Variants in FRMPD4 observed in about 807,000 individuals in gnomAD.
FRMPD4 encodes the protein FERM and PDZ domain containing 4, also known as FERM and PDZ domain-containing protein 4.
In FRMPD4, 22 loss-of-function variants were observed where a neutral mutation model predicts 94.1. That is an observed-to-expected ratio of 0.23 (90% CI 0.17 to 0.33). The LOEUF (loss-of-function observed/expected upper bound fraction) is 0.33. Among genes scored for constraint, FRMPD4 ranks in the 10% least tolerant of loss-of-function variants. The pLI, the probability that FRMPD4 is intolerant of heterozygous loss-of-function variation, is 1.00. For synonymous variants in FRMPD4, 631 were observed against 548.6 expected (o/e 1.15, Z -2.10); for missense variants, 1,111 against 1,339.9 (o/e 0.83, Z 2.67).
At chrX:12,579,477 G>A (rs990186486) in intron 2 of FRMPD4, among the ~76,000 whole-genome samples, 1 of 111,780 alleles carries the variant, frequency 8.9e-6, no homozygotes, top group South Asian at 3.7e-4. Flanking sequence ...CGGGACAATC[G>A]GTTTCTGACC....
intron 3 of FRMPD4, among the ~76,000 whole-genome samples, chrX:11,966,625 A>G (rs1370759359): frequency 9.0e-6 from 1 of 111,470 alleles, no homozygotes; most frequent in Non-Finnish European, 1.9e-5. Flanking sequence ...ATTGATCCCA[A>G]AATGTGGTTT....
At chrX:12,517,174 C>T (rs748143410) in intron 2 of FRMPD4, among the ~76,000 whole-genome samples, 2 of 110,946 alleles carry the variant, frequency 1.8e-5, no homozygotes, top group Admixed American at 1.9e-4. Flanking sequence ...CAGCAAAGTT[C>T]GTTATTACCC....
At chrX:11,843,633 C>T (rs747195142) in intron 1 of FRMPD4, among the ~76,000 whole-genome samples, 1 of 110,810 alleles carries the variant, frequency 9.0e-6, no homozygotes, top group African/African-American at 3.3e-5. Context: ...GTATAGTTCG[C>T]TGTAACCTTG....
chrX:12,215,392 C>A (rs2056796633), intron 1 of FRMPD4, among the ~76,000 whole-genome samples: 1 of 111,104 alleles, frequency 9.0e-6, no homozygotes, highest in Non-Finnish European at 1.9e-5. Flanking sequence ...CCAACTTCTT[C>A]TTCTTAACCT....
intron 2 of FRMPD4, among the ~76,000 whole-genome samples, chrX:12,499,189 C>T (rs950928980): frequency 1.8e-5 from 2 of 111,245 alleles, no homozygotes; most frequent in Non-Finnish European, 3.8e-5. Flanking sequence ...TAGGAGTGGT[C>T]AAGACAGGAA....
intron 1 of FRMPD4, among the ~76,000 whole-genome samples, chrX:12,286,655 A>G (rs2054604469): frequency 1.8e-5 from 2 of 112,058 alleles, no homozygotes; most frequent in Admixed American, 1.9e-4. Flanking sequence ...AAAATTGGTC[A>G]TAGACTGAGT....
At chrX:12,177,242 G>A (rs1601663592) in intron 1 of FRMPD4, among the ~76,000 whole-genome samples, 1 of 112,342 alleles carries the variant, frequency 8.9e-6, no homozygotes, top group Non-Finnish European at 1.9e-5. Context: ...AAGAATGGAT[G>A]ATCACTGAAG....
intron 3 of FRMPD4, among the ~76,000 whole-genome samples, chrX:11,930,567 C>G (rs1443503121): frequency 4.5e-5 from 5 of 111,685 alleles, no homozygotes; most frequent in Middle Eastern, 4.6e-3. Flanking sequence ...TTTTCAGAGA[C>G]AGTGCAACCT....
intron 3 of FRMPD4, among the ~76,000 whole-genome samples, chrX:11,995,304 T>A (rs2054490610): frequency 8.9e-6 from 1 of 111,842 alleles, no homozygotes; most frequent in South Asian, 3.7e-4. Flanking sequence ...TTTCCTGACA[T>A]CTGTTTCTTC....
chrX:12,172,028 TC>T (rs1378395036), intron 1 of FRMPD4, among the ~76,000 whole-genome samples: 1 of 111,534 alleles, frequency 9.0e-6, no homozygotes, highest in East Asian at 2.8e-4. Flanking sequence ...CCCTTGAATT[TC>T]TGCTGGCACA....
intron 1 of FRMPD4, among the ~76,000 whole-genome samples, chrX:12,295,915 C>T (rs765129910): frequency 3.6e-5 from 4 of 111,578 alleles, no homozygotes; most frequent in South Asian, 3.8e-4. Context: ...ACATAATAGA[C>T]GCTCAATAAA....
chrX:12,547,829 T>G (rs2058494213), intron 2 of FRMPD4, among the ~76,000 whole-genome samples: 1 of 112,093 alleles, frequency 8.9e-6, no homozygotes, highest in Non-Finnish European at 1.9e-5. Flanking sequence ...GGTTAATTTG[T>G]CAAAGAATAG....
At chrX:12,512,675 G>A (rs1043674605) in intron 2 of FRMPD4, among the ~76,000 whole-genome samples, 1 of 112,348 alleles carries the variant, frequency 8.9e-6, no homozygotes, top group Non-Finnish European at 1.9e-5. Flanking sequence ...TATTGCTGCA[G>A]TGAACATATG....
At chrX:12,163,628 A>G (rs1469892015) in intron 1 of FRMPD4, among the ~76,000 whole-genome samples, 3 of 112,028 alleles carry the variant, frequency 2.7e-5, no homozygotes, top group Non-Finnish European at 5.6e-5. Context: ...CCAACGTGCT[A>G]TTCCTTTTGC....
At position 12,715,316 on chromosome X, in the gene FRMPD4, TACAA is replaced by T. The variant is rs975986938; in HGVS notation, c.1610-747_1610-744del. 5.3e-5 allele frequency among the ~76,000 whole-genome samples: 6 copies of T among 112,154 alleles called. No individual in the cohort carries two copies. In the Admixed American group the frequency reaches 5.7e-4, roughly 11 times the overall value. On this transcript the variant is annotated intron_variant, in intron 14 of 16. Coordinates refer to ENST00000675598, the MANE Select transcript of FRMPD4 (RefSeq NM_001368397.1). ...AACAAATTTTCAGGAGTTCCTATGA[TACAA>T]ACAAAAATTGAAATTAATCTAAATA... is the stretch of plus-strand genomic sequence containing the variant.
intron 1 of FRMPD4, among the ~76,000 whole-genome samples, chrX:12,453,345 G>T (rs746809241): frequency 8.9e-6 from 1 of 111,872 alleles, no homozygotes; most frequent in East Asian, 2.8e-4. Context: ...AAAAATGAGG[G>T]AATGGCAAGG....
At chrX:12,313,661 ACT>A (rs1464668572) in intron 1 of FRMPD4, among the ~76,000 whole-genome samples, 1 of 111,623 alleles carries the variant, frequency 9.0e-6, no homozygotes, top group African/African-American at 3.3e-5. Context: ...AAGTTGGAAA[ACT>A]CTAACCCTTT....
rs1268308288 is a variant in FRMPD4 at position 12,138,856 on chromosome X, C to A, written c.-116C>A. The A allele has an allele frequency of 2.6e-5, 15 of 576,126 alleles. No homozygotes were observed. Among genetic ancestry groups the A allele is most frequent in the Admixed American group, 4.6e-5 (1 of 21,604 alleles). 47.5% of individuals were successfully genotyped at this position (576,126 alleles called of 1,213,427 possible). On this transcript the variant is annotated 5_prime_UTR_variant, in exon 1 of 17. Transcript: ENST00000675598. The stretch of plus-strand genomic sequence containing the variant: ...CGGCCGCCGCCGCCACCCGCTGTCG[C>A]CGCGACTCGAGCCCCGGGCGCACTG...
intron 3 of FRMPD4, among the ~76,000 whole-genome samples, chrX:12,013,665 A>G (rs965493795): frequency 2.7e-5 from 3 of 113,100 alleles, no homozygotes; most frequent in Non-Finnish European, 3.7e-5. Flanking sequence ...TCCAGCTACA[A>G]TTACCATTAG....
Sources: gnomAD v4.1 joint callset for allele counts (sites outside exome capture counted in the v4.1 genomes callset) on GRCh38, gnomAD v4.1.1 for gene constraint, MANE v1.5 for transcripts, NCBI Gene and HGNC (gene_info 2026-07-23, HGNC 2026-07-21) for gene names.